SORL1: variants seen among roughly 807,000 people sequenced by gnomAD.
SORL1 encodes the protein sortilin-related receptor.
Under a neutral mutation model 273.7 loss-of-function variants are expected in SORL1, and 127 were observed. The ratio of observed to expected loss-of-function variants is 0.46; its 90% CI spans 0.40 to 0.54. The LOEUF (loss-of-function observed/expected upper bound fraction) is 0.54. SORL1 is among the 20% of genes least tolerant of loss of function. The pLI is 0.00. For synonymous variants in SORL1, 1,031 were observed against 1,067.4 expected, an observed-to-expected ratio of 0.97 and a Z score of 0.66; for missense variants, 2,494 against 2,846.1, an observed-to-expected ratio of 0.88 and a Z score of 2.81.
Position 121,463,920 on chromosome 11 carries a change from T to C in SORL1, c.286-6087T>C, listed in dbSNP as rs552751525. Among the ~76,000 whole-genome samples the C allele has an allele frequency of 2.6e-5, 4 of 152,312 alleles. No individual in the cohort carries two copies. The East Asian group carries it at 7.7e-4, about 29-fold the overall frequency. ...CATTTAAGCCATGCAAAGGGATGGT[T>C]TGGGAAAACCTTGTTCTCCTTGGAC... On this transcript the variant is annotated intron_variant, in intron 1 of 47. Transcript: ENST00000260197.
Position 121,583,488 on chromosome 11 carries a change from TC to T in SORL1, c.3613del (p.Gln1205SerfsTer136). On this transcript the variant is annotated frameshift_variant, in exon 26 of 48. Coordinates refer to ENST00000260197, the MANE Select transcript of SORL1 (RefSeq NM_003105.6). LOFTEE classifies it high-confidence loss of function. ...TATCACACCTGTGAGGCCTCCAACT[TC>T]CAGTGCCGAAACGGGCACTGCATCC... is the stretch of plus-strand genomic sequence containing the variant. ...AIYHTCEASN[F>X]QCRNGHCIPQ... 6.2e-7 allele frequency: 1 copy of T among 1,613,056 alleles called. No homozygotes were observed. Among genetic ancestry groups the T allele is most frequent in the East Asian group, 2.2e-5 (1 of 44,722 alleles).
At chr11:121,622,049 C>T in intron 44 of SORL1, 113 bp from the exon 45 acceptor site, 3 of 645,098 alleles carry the variant, frequency 4.7e-6, no homozygotes, top group East Asian at 2.6e-5. Flanking sequence ...TTTATTTTTT[C>T]TGTAACCCAG....
At chr11:121,523,083 T>TCTCTG in intron 11 of SORL1, 94 bp downstream of exon 11, 1 of 854,074 alleles carries the variant, frequency 1.2e-6, no homozygotes, top group Non-Finnish European at 2.0e-6. Context: ...ACACAAATGG[T>TCTCTG]CCATGGCAGA....
Position 121,554,028 on chromosome 11 carries a change from G to C in SORL1, c.2358G>C (p.Gly786=). The change falls in exon 17 of 48, where the codon GGG becomes GGC. Residue 786 remains glycine (G), a synonymous_variant. Transcript: ENST00000260197. This position sits in a 1 kb window ranked among gnomAD's most constrained non-coding sequence, Gnocchi z 4.6. ...SGATEQLPLT[G]LRAAVALDFD... The stretch of plus-strand genomic sequence containing the variant: ...CCACCGAGCAGTTGCCTCTCACCGG[G>C]CTACGGGCAGCAGTGGCCCTGGACT... 4 of 1,614,194 alleles carry C rather than the reference G, an allele frequency of 2.5e-6. No homozygotes were observed. Among genetic ancestry groups the C allele is most frequent in the Non-Finnish European group, 3.4e-6 (4 of 1,180,024 alleles).
chr11:121,485,387 A>G (rs927704473), intron 3 of SORL1, among the ~76,000 whole-genome samples: 1 of 152,220 alleles, frequency 6.6e-6, no homozygotes, highest in African/African-American at 2.4e-5. Flanking sequence ...ATTGACGTCA[A>G]TGCTGCCTAG....
At chr11:121,493,340 T>C (rs1164773039) in intron 5 of SORL1, among the ~76,000 whole-genome samples, 1 of 152,196 alleles carries the variant, frequency 6.6e-6, no homozygotes, top group East Asian at 1.9e-4. Flanking sequence ...CACAGCAACC[T>C]CTGCCTCCCG....
chr11:121,604,641 T>A (rs1358391858), intron 33 of SORL1, among the ~76,000 whole-genome samples: 2 of 152,164 alleles, frequency 1.3e-5, no homozygotes, highest in Admixed American at 1.3e-4. Context: ...ACTCAGTTCT[T>A]ATCTCTGGAG....
At chr11:121,482,226 G>A (rs535192871) in intron 3 of SORL1, among the ~76,000 whole-genome samples, 1 of 152,302 alleles carries the variant, frequency 6.6e-6, no homozygotes, top group South Asian at 2.1e-4. Flanking sequence ...CGTGGTGTTT[G>A]GGGCAAGAGC....
intron 1 of SORL1, among the ~76,000 whole-genome samples, chr11:121,453,576 G>C (rs1860849078): frequency 6.6e-6 from 1 of 152,170 alleles, no homozygotes; most frequent in Admixed American, 6.5e-5. Context: ...TTGTTTTCTA[G>C]AGTCAAATTG....
chr11:121,591,830 C>G (rs1863220179), intron 31 of SORL1, among the ~76,000 whole-genome samples: 1 of 152,308 alleles, frequency 6.6e-6, no homozygotes, highest in Middle Eastern at 3.4e-3. Context: ...TGAGCATGTT[C>G]TTTCCATTGC....
In SORL1 at chr11:121,553,962, T is replaced by A; in HGVS notation, c.2292T>A (p.Ala764=). The part of the protein sequence containing the change: ...LAEENEFILY[A]VRKSIYRYDL... ...AAGAGAACGAGTTCATTCTGTATGCTGTGAGGAAATCCATCTACCGCTATG... is the reference window on the plus strand; with the variant it reads ...AAGAGAACGAGTTCATTCTGTATGCAGTGAGGAAATCCATCTACCGCTATG... Residue 764 remains alanine (A), a synonymous_variant, in exon 17 of 48, where the codon GCT becomes GCA. Coordinates refer to ENST00000260197, the MANE Select transcript of SORL1 (RefSeq NM_003105.6). 1.2e-6 allele frequency: 2 copies of A among 1,614,110 alleles called. No homozygotes were observed. Among genetic ancestry groups the A allele is most frequent in the Non-Finnish European group, 1.7e-6 (2 of 1,179,974 alleles).
intron 12 of SORL1, among the ~76,000 whole-genome samples, chr11:121,541,398 G>A (rs953418003): frequency 6.6e-6 from 1 of 152,070 alleles, no homozygotes; most frequent in African/African-American, 2.4e-5. Context: ...CTGTAGAGAT[G>A]TGGTTCTCAT....
At chr11:121,574,781 AC>A (rs1374693174) in intron 24 of SORL1, among the ~76,000 whole-genome samples, 1 of 151,986 alleles carries the variant, frequency 6.6e-6, no homozygotes, top group East Asian at 1.9e-4. Flanking sequence ...GGGGAAATGG[AC>A]CCTGCTTTGC....
intron 1 of SORL1, among the ~76,000 whole-genome samples, chr11:121,463,693 T>C (rs1270956363): frequency 6.6e-6 from 1 of 152,188 alleles, no homozygotes; most frequent in Non-Finnish European, 1.5e-5. Flanking sequence ...AGGAGTTCTG[T>C]AGGTGAAGCA....
intron 25 of SORL1, among the ~76,000 whole-genome samples, chr11:121,581,031 G>A (rs571495246): frequency 1.3e-5 from 2 of 151,768 alleles, no homozygotes; most frequent in East Asian, 3.9e-4. Context: ...TCCTGCCTCA[G>A]CCTCACGAGT....
At chr11:121,570,990 A>G (rs759358297) in intron 23 of SORL1, among the ~76,000 whole-genome samples, 13 of 152,216 alleles carry the variant, frequency 8.5e-5, no homozygotes, top group Non-Finnish European at 1.8e-4. Flanking sequence ...CCCTTTTGTC[A>G]GTCATGCACT....
intron 11 of SORL1, among the ~76,000 whole-genome samples, chr11:121,527,353 G>A (rs529632482): frequency 6.6e-6 from 1 of 151,870 alleles, no homozygotes; most frequent in African/African-American, 2.4e-5. Flanking sequence ...AACTCTACTT[G>A]GTCATAATGC....
At chr11:121,454,360 G>C (rs943495600) in intron 1 of SORL1, among the ~76,000 whole-genome samples, 3 of 152,220 alleles carry the variant, frequency 2.0e-5, no homozygotes, top group Admixed American at 6.5e-5. Context: ...AAGTTTTCTG[G>C]TTTCAAAAAT....
At position 121,591,008 on chromosome 11, in the gene SORL1, T is replaced by C; in HGVS notation, c.4221T>C (p.His1407=). 1 of 1,614,266 alleles carries C rather than the reference T, an allele frequency of 6.2e-7. No homozygotes were observed. Among genetic ancestry groups the C allele is most frequent in the Middle Eastern group, 1.6e-4 (1 of 6,062 alleles). The change falls in exon 31 of 48, where the codon CAT becomes CAC. Residue 1407 remains histidine, a synonymous_variant. Transcript: ENST00000260197. ...GCTTGGTGTTTTTCTCAGATTCACATATTCTTCCCTTCTCGACTCCTGGGC... is the reference window on the plus strand; with the variant it reads ...GCTTGGTGTTTTTCTCAGATTCACACATTCTTCCCTTCTCGACTCCTGGGC... ...WSDEKDCGDS[H]ILPFSTPGPS...
Sources: gnomAD v4.1 joint callset for allele counts (sites outside exome capture counted in the v4.1 genomes callset) on GRCh38, gnomAD v4.1.1 for gene constraint, Gnocchi (gnomAD v3.1) non-coding constraint, MANE v1.5 for transcripts, NCBI Gene and HGNC (gene_info 2026-07-23, HGNC 2026-07-21) for gene names.